PTH2R: variants seen among roughly 807,000 people sequenced by gnomAD.
PTH2R encodes the protein parathyroid hormone 2 receptor.
A neutral mutation model predicts 60.3 loss-of-function variants in PTH2R; 59 were observed. That is an observed-to-expected ratio of 0.98 (90% CI 0.79 to 1.22). PTH2R has a LOEUF of 1.22. PTH2R is among the 50% of genes most tolerant of loss of function. PTH2R has a pLI of 0.00. For missense variants in PTH2R, 749 were observed against 682.6 expected, an observed-to-expected ratio of 1.10 and a Z score of -1.08; for synonymous variants, 256 against 243.8, an observed-to-expected ratio of 1.05 and a Z score of -0.47.
At chr2:208,364,727 AGGATTGAATT>A (rs1700544925) in intron 1 of PTH2R, among the ~76,000 whole-genome samples, 1 of 152,204 alleles carries the variant, frequency 6.6e-6, no homozygotes, top group Non-Finnish European at 1.5e-5. Context: ...AATTTTGATA[AGGATTGAATT>A]GAATCTGTAG....
intron 1 of PTH2R, among the ~76,000 whole-genome samples, chr2:208,423,869 G>T (rs1701803784): frequency 6.6e-6 from 1 of 152,094 alleles, no homozygotes; most frequent in Non-Finnish European, 1.5e-5. Context: ...TGGTAATTTT[G>T]TTTGCTCTAC....
In PTH2R at chr2:208,379,220, TG is replaced by T. The variant is rs1559202950; in HGVS notation, c.-259+18986del. On this transcript the variant is annotated intron_variant, in intron 1 of 12. Coordinates refer to the PTH2R transcript ENST00000617735. Reference sequence around the variant, plus strand: ...AGCAGCTGGTTTCTGGAAGTGTTCATGGGAAGAAAATGTATATTAATAAAGT... The same window carrying T: ...AGCAGCTGGTTTCTGGAAGTGTTCATGGAAGAAAATGTATATTAATAAAGT... Among the ~76,000 whole-genome samples, 3 of 152,268 alleles carry T rather than the reference TG, an allele frequency of 2.0e-5. No homozygotes were observed. The South Asian group carries it at 6.2e-4, about 32-fold the overall frequency.
At chr2:208,472,584 G>A (rs1227384872) in intron 9 of PTH2R, among the ~76,000 whole-genome samples, 3 of 152,166 alleles carry the variant, frequency 2.0e-5, no homozygotes, top group African/African-American at 7.2e-5. Context: ...TCCACCACGT[G>A]AGATGTGCCT....
At chr2:208,456,214 C>T (rs1056147310) in intron 8 of PTH2R, among the ~76,000 whole-genome samples, 3 of 151,962 alleles carry the variant, frequency 2.0e-5, no homozygotes, top group Non-Finnish European at 4.4e-5. Flanking sequence ...TGCACTCCAG[C>T]CTGGGCAACA....
intron 7 of PTH2R, among the ~76,000 whole-genome samples, chr2:208,449,517 T>TA (rs1286942777): frequency 1.3e-5 from 2 of 152,030 alleles, no homozygotes; most frequent in Non-Finnish European, 2.9e-5. Context: ...CAGAATTAGG[T>TA]AGGTCTATTT....
intron 9 of PTH2R, among the ~76,000 whole-genome samples, chr2:208,462,140 C>G (rs1340127860): frequency 2.0e-5 from 3 of 152,146 alleles, no homozygotes; most frequent in African/African-American, 7.2e-5. Context: ...CTTGAAGGCT[C>G]TTAACTTACT....
chr2:208,428,317 G>A lies in PTH2R; in HGVS notation c.178+14G>A, dbSNP rs955253905. The A allele has an allele frequency of 6.3e-7, 1 of 1,584,082 alleles. No individual in the cohort carries two copies. Among genetic ancestry groups the A allele is most frequent in the Non-Finnish European group, 8.7e-7 (1 of 1,155,400 alleles). On this transcript the variant is annotated intron_variant, in intron 2 of 12. Coordinates refer to ENST00000272847, the MANE Select transcript of PTH2R (RefSeq NM_005048.4). ...TCCAGGAGGGAGGTAAAGATGCCAA[G>A]AAAATTGGCTCTCCTTGTGCCTCCT...
At chr2:208,430,177 C>T (rs1701941149) in intron 2 of PTH2R, among the ~76,000 whole-genome samples, 1 of 152,132 alleles carries the variant, frequency 6.6e-6, no homozygotes, top group Non-Finnish European at 1.5e-5. Context: ...TTATCATTCT[C>T]TTCCTTTTTC....
chr2:208,383,718 C>T (rs1700955378), intron 1 of PTH2R, among the ~76,000 whole-genome samples: 1 of 152,196 alleles, frequency 6.6e-6, no homozygotes, highest in African/African-American at 2.4e-5. Context: ...AATAGTTGAA[C>T]TTAAACATAA....
chr2:208,493,346 G>A lies in PTH2R; in HGVS notation c.1340G>A (p.Arg447Lys), dbSNP rs1473970625. ...WKRTPPCGSR[R>K]CGSVLTTVTH... ...AGGACACCGCCATGTGGCAGCCGCA[G>A]ATGCGGCTCAGTGCTCACCACCGTG... The change falls in exon 13 of 13, where the codon AGA becomes AAA. Residue 447 changes from arginine (R) to lysine (K), a missense_variant. Physicochemically the swap from Arg to Lys is conservative, Grantham distance 26 (BLOSUM62 2). Coordinates refer to ENST00000272847, the MANE Select transcript of PTH2R (RefSeq NM_005048.4). The A allele has an allele frequency of 6.3e-7, 1 of 1,578,184 alleles. No homozygotes were observed. Among genetic ancestry groups the A allele is most frequent in the African/African-American group, 1.4e-5 (1 of 73,966 alleles).
At chr2:208,408,740 A>AGAAAGAG (rs1553542827) in intron 1 of PTH2R, among the ~76,000 whole-genome samples, 64 of 123,352 alleles carry the variant, frequency 5.2e-4, no homozygotes, top group African/African-American at 2.0e-3. Flanking sequence ...GAGAGAGAGA[A>AGAAAGAG]AGAGAGAGAG....
intron 1 of PTH2R, among the ~76,000 whole-genome samples, chr2:208,370,407 C>T (rs1700673597): frequency 1.5e-5 from 2 of 129,518 alleles, no homozygotes; most frequent in South Asian, 4.9e-4. Flanking sequence ...CACACCACTG[C>T]ACCCCAGCCT....
At chr2:208,423,622 A>G (rs1381608383) in intron 1 of PTH2R, among the ~76,000 whole-genome samples, 3 of 152,088 alleles carry the variant, frequency 2.0e-5, no homozygotes, top group African/African-American at 7.2e-5. Flanking sequence ...GGTTGATGGC[A>G]TTGTTGAGTT....
chr2:208,415,297 T>C (rs1701617876), intron 1 of PTH2R, among the ~76,000 whole-genome samples: 1 of 152,192 alleles, frequency 6.6e-6, no homozygotes, highest in Non-Finnish European at 1.5e-5. Context: ...GGGGATTTTA[T>C]TGTATTTTAA....
At chr2:208,414,327 T>C (rs1701597063) in intron 1 of PTH2R, among the ~76,000 whole-genome samples, 1 of 152,140 alleles carries the variant, frequency 6.6e-6, no homozygotes, top group Non-Finnish European at 1.5e-5. Context: ...AAAAGTTTAA[T>C]ATAAAAATAT....
chr2:208,453,184 A>G (rs1194696675), intron 8 of PTH2R, among the ~76,000 whole-genome samples: 2 of 152,246 alleles, frequency 1.3e-5, no homozygotes, highest in African/African-American at 2.4e-5. Flanking sequence ...TAAATCAGAA[A>G]TAGGTTATCA....
At chr2:208,402,742 G>C (rs754826807), upstream of PTH2R, among the ~76,000 whole-genome samples, 1 of 152,158 alleles carries the variant, frequency 6.6e-6, no homozygotes, top group Non-Finnish European at 1.5e-5. Flanking sequence ...CTGTAATGTT[G>C]AGTGATCCTT....
intron 8 of PTH2R, among the ~76,000 whole-genome samples, chr2:208,453,671 T>G (rs1702453541): frequency 6.6e-6 from 1 of 152,170 alleles, no homozygotes; most frequent in South Asian, 2.1e-4. Flanking sequence ...AAAGTTTGAG[T>G]TAATGCAAGT....
Position 208,493,458 on chromosome 2 carries a change from A to G in PTH2R, c.1452A>G (p.Arg484=), listed in dbSNP as rs760131040. 1.9e-6 allele frequency: 3 copies of G among 1,610,752 alleles called. No individual in the cohort carries two copies. The highest frequency in any genetic ancestry group is 2.5e-6 in the Non-Finnish European group (3 of 1,177,994). ...ISGKAAKIAS[R]QPDSHITLPG... ...GCAAAGCTGCCAAGATCGCCAGCAG[A>G]CAGCCTGACAGCCACATCACTTTAC... The change falls in exon 13 of 13, where the codon AGA becomes AGG. Residue 484 remains arginine (R), a synonymous_variant. Coordinates refer to ENST00000272847, the MANE Select transcript of PTH2R (RefSeq NM_005048.4).
Sources: gnomAD v4.1 joint callset for allele counts (sites outside exome capture counted in the v4.1 genomes callset) on GRCh38, gnomAD v4.1.1 for gene constraint, MANE v1.5 for transcripts, NCBI Gene and HGNC (gene_info 2026-07-23, HGNC 2026-07-21) for gene names.